The following FBXO47 variants were observed in gnomAD, a reference collection of about 807,000 sequenced individuals.
FBXO47 encodes F-box protein 47.
FBXO47 carries 34 observed loss-of-function variants against 53.9 expected under a neutral mutation model. That is an observed-to-expected ratio of 0.63 (90% CI 0.48 to 0.84). FBXO47 has a LOEUF of 0.84. Ranked by LOEUF, FBXO47 falls within the 40% of genes least tolerant of loss-of-function variation. FBXO47 has a pLI of 0.00. For missense variants in FBXO47, 485 were observed against 541.3 expected (o/e 0.90, Z 1.03); for synonymous variants, 165 against 181.6 (o/e 0.91, Z 0.73).
intron 5 of FBXO47, among the ~76,000 whole-genome samples, chr17:38,953,264 A>G (rs1220641329): frequency 6.6e-6 from 1 of 151,816 alleles, no homozygotes; most frequent in Non-Finnish European, 1.5e-5. Flanking sequence ...GGTTGCAGTG[A>G]GCTGAAATCA....
chr17:38,964,280 T>C (rs1905975002), intron 1 of FBXO47, among the ~76,000 whole-genome samples: 1 of 151,288 alleles, frequency 6.6e-6, no homozygotes, highest in Non-Finnish European at 1.5e-5. Flanking sequence ...ACCAACATGG[T>C]GAAACCCCGT....
chr17:38,939,476 G>T (rs1904405394), intron 9 of FBXO47, among the ~76,000 whole-genome samples: 1 of 148,876 alleles, frequency 6.7e-6, no homozygotes, highest in Admixed American at 6.7e-5. Context: ...CTATTTTCAA[G>T]AAGTCCAATG....
At chr17:38,946,899 TATATAAATATATATAAACATATATAAAC>T (rs1231477758) in intron 6 of FBXO47, among the ~76,000 whole-genome samples, 4 of 117,932 alleles carry the variant, frequency 3.4e-5, no homozygotes, top group East Asian at 2.4e-4. Flanking sequence ...TATATAAACA[TATATAAATATATATAAACATATATAAAC>T]ATATAAATAT....
intron 3 of FBXO47, among the ~76,000 whole-genome samples, chr17:38,960,040 C>A (rs1598148913): frequency 6.6e-6 from 1 of 151,972 alleles, no homozygotes; most frequent in Non-Finnish European, 1.5e-5. Flanking sequence ...CTCCTGGGCT[C>A]AAGCGATCCT....
Position 38,938,561 on chromosome 17 carries a change from A to G in FBXO47, c.1243+12T>C. On this transcript the variant is annotated intron_variant, in intron 10 of 10. Transcript: ENST00000378079. ...TTACGCACACCTGTGCACCAAGTAC[A>G]TTCCTACTCACCAGACATAATTGAT... The G allele has an allele frequency of 6.3e-7, 1 of 1,599,540 alleles. No individual in the cohort carries two copies. The highest frequency in any genetic ancestry group is 8.5e-7 in the Non-Finnish European group (1 of 1,169,838).
At chr17:38,938,027 C>T (rs1182497355) in intron 10 of FBXO47, among the ~76,000 whole-genome samples, 2 of 152,120 alleles carry the variant, frequency 1.3e-5, no homozygotes, top group Non-Finnish European at 2.9e-5. Context: ...GTCAAGTTAA[C>T]TACTGAAATC....
chr17:38,955,319 C>T (rs897443962), intron 4 of FBXO47, among the ~76,000 whole-genome samples: 2 of 146,696 alleles, frequency 1.4e-5, no homozygotes, highest in Non-Finnish European at 3.0e-5. Context: ...ACCCAGGAGG[C>T]GGAGCTGGCA....
At chr17:38,952,054 CG>C (rs1301562786) in intron 5 of FBXO47, among the ~76,000 whole-genome samples, 1 of 150,764 alleles carries the variant, frequency 6.6e-6, no homozygotes, top group Non-Finnish European at 1.5e-5. Flanking sequence ...AGGCCGGGTG[CG>C]GTGGCTCACA....
intron 2 of FBXO47, among the ~76,000 whole-genome samples, chr17:38,962,386 C>T (rs773380699): frequency 2.4e-4 from 37 of 152,114 alleles, no homozygotes; most frequent in African/African-American, 7.7e-4. Context: ...GAGGCCAAGG[C>T]GGACAGATCA....
rs545529960 is a variant in FBXO47, at chr17:38,951,545, A to T, written c.616+36T>A. ...AACTCTGTTTATTTTTTCTATTTTA[A>T]TCTCTGTATATTATATGCAAATTAT... On this transcript the variant is annotated intron_variant, in intron 6 of 10. Transcript: ENST00000378079. The T allele has an allele frequency of 4.6e-5, 65 of 1,408,654 alleles. No individual in the cohort carries two copies. In the East Asian group the frequency reaches 6.5e-4, roughly 14 times the overall value. 87.3% of individuals were successfully genotyped at this position (1,408,654 alleles called of 1,614,324 possible).
At position 38,943,665 on chromosome 17, in the gene FBXO47, T is replaced by C. The variant is rs1180144961; in HGVS notation, c.865A>G (p.Ile289Val). The C allele has an allele frequency of 1.2e-6, 2 of 1,611,038 alleles. No individual in the cohort carries two copies. Among genetic ancestry groups the C allele is most frequent in the East Asian group, 2.2e-5 (1 of 44,786 alleles). The change falls in exon 8 of 11, where the codon ATT becomes GTT. Residue 289 changes from isoleucine to valine, a missense_variant. Ile to Val is a conservative substitution (Grantham distance 29). Transcript: ENST00000378079. ...GTGCTAGCGTCATATAGTAACTTAA[T>C]GGCATCAGCCAAACCTTTCAGACTG... Reference protein sequence around the residue: ...EFSLKGLADAIKLLYDASTKE... With the variant: ...EFSLKGLADAVKLLYDASTKE...
intron 9 of FBXO47, 50 bp from the exon 10 acceptor site, chr17:38,938,782 A>G (rs369699144): frequency 1.4e-6 from 2 of 1,413,124 alleles, no homozygotes; most frequent in African/African-American, 2.8e-5. Flanking sequence ...AGAAAGCTAT[A>G]GAATTTGAAA....
chr17:38,962,807 T>C, intron 2 of FBXO47, 38 bp downstream of exon 2: 1 of 1,443,662 alleles, frequency 6.9e-7, no homozygotes, highest in Non-Finnish European at 9.5e-7. Context: ...AATACTCTAG[T>C]GTCTTGTGTA....
intron 1 of FBXO47, among the ~76,000 whole-genome samples, chr17:38,964,243 T>C (rs1243612757): frequency 1.3e-5 from 2 of 151,808 alleles, no homozygotes; most frequent in East Asian, 3.9e-4. Context: ...GTGGAACACC[T>C]GGGGTCAGGA....
intron 1 of FBXO47, among the ~76,000 whole-genome samples, chr17:38,964,520 T>C (rs1471820772): frequency 6.6e-6 from 1 of 151,826 alleles, no homozygotes; most frequent in East Asian, 1.9e-4. Flanking sequence ...TGCTGGAACC[T>C]GGGAGGCGGA....
chr17:38,951,582 T>C lies in FBXO47; in HGVS notation c.615A>G (p.Pro205=). Residue 205 remains proline, a splice_region_variant and synonymous_variant, in exon 6 of 11, where the codon CCA becomes CCG. Coordinates refer to ENST00000378079, the MANE Select transcript of FBXO47 (RefSeq NM_001008777.3). ...RKIQMAVCSK[P]GSAQKLELRI... is the part of the protein sequence containing the mutation. The stretch of plus-strand genomic sequence containing the variant: ...TATATGCAAATTATAGTTTTTTACC[T>C]GGTTTGCTGCAGACAGCCATTTGTA... The C allele has an allele frequency of 6.2e-7, 1 of 1,602,832 alleles. No individual in the cohort carries two copies. Among genetic ancestry groups the C allele is most frequent in the Non-Finnish European group, 8.5e-7 (1 of 1,172,874 alleles).
At chr17:38,966,481 G>T (rs1323695009) in intron 1 of FBXO47, among the ~76,000 whole-genome samples, 1 of 152,170 alleles carries the variant, frequency 6.6e-6, no homozygotes, top group African/African-American at 2.4e-5. Flanking sequence ...ATTTACAGGC[G>T]TGAGCCACCG....
chr17:38,948,207 A>ATTTTTT (rs869282186), intron 6 of FBXO47, among the ~76,000 whole-genome samples: 5 of 89,292 alleles, frequency 5.6e-5, no homozygotes, highest in Non-Finnish European at 1.1e-4. Flanking sequence ...CCTATTCTGG[A>ATTTTTT]TTTTTTTTTT....
rs910049925 is a variant in FBXO47 at position 38,962,130 on chromosome 17, G to A, written c.182-83C>T. The A allele has an allele frequency of 5.5e-6, 6 of 1,093,200 alleles. No homozygotes were observed. In the Admixed American group the frequency reaches 1.5e-4, roughly 27 times the overall value. The allele number at this position is 1,093,200 out of a possible 1,614,324, so 67.7% of individuals were successfully genotyped here. A position where few individuals can be genotyped will look rare whatever the true frequency, so the allele number is the denominator to read the frequency against. On this transcript the variant is annotated intron_variant, in intron 2 of 10. Transcript: ENST00000378079. Reference sequence around the variant, plus strand: ...ATTAACACAGTCTATTAACTTATAGGTTAACTCAATCGTCATCATTATCAC... The same window carrying A: ...ATTAACACAGTCTATTAACTTATAGATTAACTCAATCGTCATCATTATCAC...
Sources: gnomAD v4.1 joint callset for allele counts (sites outside exome capture counted in the v4.1 genomes callset) on GRCh38, gnomAD v4.1.1 for gene constraint, MANE v1.5 for transcripts, NCBI Gene and HGNC (gene_info 2026-07-23, HGNC 2026-07-21) for gene names.